Variants in ZNF106 observed in about 807,000 individuals in gnomAD.
ZNF106 encodes SH3-domain binding protein 3.
In ZNF106, 67 loss-of-function variants were observed where a neutral mutation model predicts 195.1. That is an observed-to-expected ratio of 0.34 (90% CI 0.28 to 0.42). ZNF106 has a LOEUF of 0.42. Ranked by LOEUF, ZNF106 falls within the 10% of genes least tolerant of loss-of-function variation. The probability of loss-of-function intolerance (pLI) is 1.00; values close to 1 mark genes in which losing one functional copy is unlikely to be tolerated. For missense variants in ZNF106, 2,118 were observed against 2,304.5 expected (o/e 0.92, Z 1.66); for synonymous variants, 784 against 818.6 (o/e 0.96, Z 0.72).
chr15:42,419,564 A>T (rs2054582412), intron 20 of ZNF106, among the ~76,000 whole-genome samples: 1 of 151,972 alleles, frequency 6.6e-6, no homozygotes, highest in Non-Finnish European at 1.5e-5. Flanking sequence ...AGAAAAGAAA[A>T]ACAAGGAAGC....
At chr15:42,427,686 C>T (rs1014289232) in intron 15 of ZNF106, 4 of 197,380 alleles carry the variant, frequency 2.0e-5, no homozygotes, top group African/African-American at 9.1e-5. Context: ...TATGTGCTGT[C>T]AAAGTGAGCA....
At chr15:42,454,755 G>A (rs895469941) in intron 4 of ZNF106, among the ~76,000 whole-genome samples, 7 of 151,570 alleles carry the variant, frequency 4.6e-5, no homozygotes, top group Non-Finnish European at 7.4e-5. Flanking sequence ...AATTAGCCAC[G>A]CATGGTGGCG....
rs373658111 is a variant in ZNF106, at chr15:42,458,503, T to C, written c.117-1345A>G. 7.9e-5 allele frequency among the ~76,000 whole-genome samples: 12 copies of C among 151,338 alleles called. No individual in the cohort carries two copies. The South Asian group carries it at 1.3e-3, about 16-fold the overall frequency. ...GGCGGGCAGATCATGAGGTCAGCAG[T>C]TTGAGACCAGCCTGACCAAAATTGT... On this transcript the variant is annotated intron_variant, in intron 3 of 21. Transcript: ENST00000564754.
In ZNF106 at chr15:42,414,064, C is replaced by T. The variant is rs886998103; in HGVS notation, c.*3240G>A. On this transcript the variant is annotated 3_prime_UTR_variant, in exon 22 of 22. Coordinates refer to ENST00000564754, the MANE Select transcript of ZNF106 (RefSeq NM_001366845.3). ...GCCATTAGAATTAGACAAAAGCAACCGAGAGTAACATTCTAAAAGTGGCTT... is the reference window on the plus strand; with the variant it reads ...GCCATTAGAATTAGACAAAAGCAACTGAGAGTAACATTCTAAAAGTGGCTT... 3 of 152,088 alleles carry T rather than the reference C, an allele frequency of 2.0e-5. No homozygotes were observed. The highest frequency in any genetic ancestry group is 2.9e-5 in the Non-Finnish European group (2 of 68,014). 9.4% of individuals were successfully genotyped at this position (152,088 alleles called of 1,614,324 possible).
chr15:42,429,859 G>C (rs1017159208), intron 14 of ZNF106, among the ~76,000 whole-genome samples: 3 of 152,012 alleles, frequency 2.0e-5, no homozygotes, highest in Non-Finnish European at 4.4e-5. Context: ...ACATTATGGT[G>C]AGCTAAAGCT....
chr15:42,421,512 A>C (rs575218280), intron 19 of ZNF106, among the ~76,000 whole-genome samples: 3 of 152,188 alleles, frequency 2.0e-5, no homozygotes, highest in Non-Finnish European at 4.4e-5. Context: ...GTTCAACTCC[A>C]TAACTTAAAA....
chr15:42,447,721 C>G (rs186694752), intron 6 of ZNF106, among the ~76,000 whole-genome samples: 1 of 152,198 alleles, frequency 6.6e-6, no homozygotes, highest in Non-Finnish European at 1.5e-5. Flanking sequence ...AACAGTAGAA[C>G]GCCTTTCTTC....
At chr15:42,481,016 T>C (rs1440776943) in intron 1 of ZNF106, among the ~76,000 whole-genome samples, 1 of 152,112 alleles carries the variant, frequency 6.6e-6, no homozygotes, top group Non-Finnish European at 1.5e-5. Flanking sequence ...ACAGGTAATA[T>C]GTAAAAACCC....
At chr15:42,487,729 G>A (rs979574604) in intron 1 of ZNF106, among the ~76,000 whole-genome samples, 2 of 151,946 alleles carry the variant, frequency 1.3e-5, no homozygotes, top group Admixed American at 6.6e-5. Context: ...ACTACCATCC[G>A]TCTCCATAAC....
chr15:42,483,641 A>G (rs148856819), intron 1 of ZNF106, among the ~76,000 whole-genome samples: 1 of 152,334 alleles, frequency 6.6e-6, no homozygotes, highest in Non-Finnish European at 1.5e-5. Context: ...ATTATGTAAG[A>G]TATAAATCAA....
Position 42,421,898 on chromosome 15 carries a change from C to A in ZNF106, c.5445+19G>T. 1 of 1,519,400 alleles carries A rather than the reference C, an allele frequency of 6.6e-7. No homozygotes were observed. Among genetic ancestry groups the A allele is most frequent in the Non-Finnish European group, 8.9e-7 (1 of 1,126,646 alleles). The allele number at this position is 1,519,400 out of a possible 1,614,324, so 94.1% of individuals were successfully genotyped here. ...AACACATTCAAAAGCAAATATCTTA[C>A]ATGACAAATAACACTCACCATGCTT... On this transcript the variant is annotated intron_variant, in intron 19 of 21. Transcript: ENST00000564754.
At chr15:42,430,341 ACTTG>A (rs1284274951) in intron 14 of ZNF106, among the ~76,000 whole-genome samples, 2 of 151,690 alleles carry the variant, frequency 1.3e-5, no homozygotes, top group African/African-American at 2.4e-5. Context: ...TTTTTAAGAG[ACTTG>A]CTTGTTTTTT....
At chr15:42,428,771 G>C (rs1044529490) in intron 14 of ZNF106, among the ~76,000 whole-genome samples, 1 of 152,014 alleles carries the variant, frequency 6.6e-6, no homozygotes, top group Non-Finnish European at 1.5e-5. Context: ...TTCAAAAAAC[G>C]ATTTCTTTTT....
intron 17 of ZNF106, among the ~76,000 whole-genome samples, chr15:42,423,140 G>A (rs1566995267): frequency 6.6e-6 from 1 of 151,848 alleles, no homozygotes; most frequent in Non-Finnish European, 1.5e-5. Flanking sequence ...GGCCGAGCTG[G>A]GCAGATTACT....
chr15:42,442,030 C>A (rs1295450046), intron 10 of ZNF106, 43 bp downstream of exon 10: 1 of 1,479,404 alleles, frequency 6.8e-7, no homozygotes. Context: ...ATGCCCCAGT[C>A]TCACTACTGG....
At chr15:42,431,994 C>T (rs978900531) in intron 14 of ZNF106, among the ~76,000 whole-genome samples, 2 of 152,088 alleles carry the variant, frequency 1.3e-5, no homozygotes, top group Admixed American at 6.6e-5. Flanking sequence ...TGTTAATGTC[C>T]CCAACTATAA....
chr15:42,432,052 T>A (rs935634284), intron 14 of ZNF106, among the ~76,000 whole-genome samples: 2 of 152,230 alleles, frequency 1.3e-5, no homozygotes, highest in African/African-American at 4.8e-5. Context: ...TTGTTTCACG[T>A]ATTTTAGAGC....
At chr15:42,435,581 T>A in intron 13 of ZNF106, 63 bp from the exon 14 acceptor site, 2 of 1,594,922 alleles carry the variant, frequency 1.3e-6, no homozygotes, top group Non-Finnish European at 1.7e-6. Context: ...ATAATATATT[T>A]CCTCAACAAA....
In ZNF106 at chr15:42,451,890, G is replaced by T. The variant is rs1357405840; in HGVS notation, c.382C>A (p.Arg128=). Residue 128 remains arginine (R), a synonymous_variant, in exon 5 of 22, where the codon CGA becomes AGA. Coordinates refer to ENST00000564754, the MANE Select transcript of ZNF106 (RefSeq NM_001366845.3). ...TCTTGGTAAGGAATTCGGTCTTCTC[G>T]TCTCCATTGGGGTCGTCTGTCATCA... ...NSDDRRPQWR[R]EDRIPYQDRE... 27 of 1,614,048 alleles carry T rather than the reference G, an allele frequency of 1.7e-5. No individual in the cohort carries two copies. The highest frequency in any genetic ancestry group is 2.3e-5 in the Non-Finnish European group (27 of 1,180,008).
Sources: allele counts gnomAD v4.1 joint callset (sites outside exome capture counted in the v4.1 genomes callset), GRCh38; gene constraint gnomAD v4.1.1; transcripts MANE v1.5; gene names NCBI Gene and HGNC (gene_info 2026-07-23, HGNC 2026-07-21).